NBEAL1: variants seen among roughly 807,000 people sequenced by gnomAD.
NBEAL1 encodes neurobeachin like 1, also known as neurobeachin-like protein 1.
In NBEAL1, 273 loss-of-function variants were observed where a neutral mutation model predicts 351.3. That is an observed-to-expected ratio of 0.78 (90% confidence interval 0.70 to 0.86). The LOEUF (loss-of-function observed/expected upper bound fraction) is 0.86, where lower values mean the gene tolerates loss of function less well. Among genes scored for constraint, NBEAL1 ranks in the 40% least tolerant of loss-of-function variants. The probability of loss-of-function intolerance (pLI) is 0.00; values close to 1 mark genes in which losing one functional copy is unlikely to be tolerated. For synonymous variants in NBEAL1, 1,050 were observed against 1,086.4 expected (o/e 0.97, Z 0.66); for missense variants, 2,961 against 3,201.3 (o/e 0.92, Z 1.81).
intron 25 of NBEAL1, among the ~76,000 whole-genome samples, 200 bp downstream of exon 25, chr2:203,130,676 T>G (rs1189662733): frequency 6.6e-6 from 1 of 152,206 alleles, no homozygotes; most frequent in Non-Finnish European, 1.5e-5. Context: ...GAAAATCCTC[T>G]CAGTGGAATA....
intron 6 of NBEAL1, among the ~76,000 whole-genome samples, chr2:203,063,685 T>C (rs2061536762): frequency 6.6e-6 from 1 of 152,058 alleles, no homozygotes; most frequent in Admixed American, 6.6e-5. Flanking sequence ...CTAGTGCAAG[T>C]TTAGTAGGAT....
chr2:203,087,647 A>G (rs1015691828), intron 10 of NBEAL1, among the ~76,000 whole-genome samples: 1 of 152,156 alleles, frequency 6.6e-6, no homozygotes, highest in Non-Finnish European at 1.5e-5. Context: ...TATCTCCTTG[A>G]TGCTTTTATA....
At position 203,127,661 on chromosome 2, in the gene NBEAL1, G is replaced by T. The variant is rs2062971005; in HGVS notation, c.3249-120G>T. 5.9e-6 allele frequency: 3 copies of T among 506,762 alleles called. No homozygotes were observed. In the South Asian group the frequency reaches 6.5e-5, roughly 11 times the overall value. 31.4% of individuals were successfully genotyped at this position (506,762 alleles called of 1,614,324 possible). On this transcript the variant is annotated intron_variant, in intron 23 of 55. Coordinates refer to ENST00000683969, the MANE Select transcript of NBEAL1 (RefSeq NM_001378026.1). ...CGCTTGAACCCAGAAGGCAGAGGTT[G>T]CAGTGAGCCAAGATTGTACCACTGC...
intron 47 of NBEAL1, among the ~76,000 whole-genome samples, chr2:203,196,999 G>T (rs945142248): frequency 2.5e-4 from 38 of 152,190 alleles, no homozygotes; most frequent in Non-Finnish European, 8.8e-5. Context: ...ATGTATGTCA[G>T]TATAACTTAG....
intron 46 of NBEAL1, among the ~76,000 whole-genome samples, chr2:203,192,433 G>A (rs2065118184): frequency 6.7e-6 from 1 of 149,372 alleles, no homozygotes; most frequent in Non-Finnish European, 1.5e-5. Context: ...TGCCCAGTCT[G>A]GAGTACAATG....
chr2:203,120,426 G>A (rs2062803343), intron 18 of NBEAL1, among the ~76,000 whole-genome samples: 1 of 152,100 alleles, frequency 6.6e-6, no homozygotes, highest in African/African-American at 2.4e-5. Flanking sequence ...TAATAGTGAG[G>A]GTACAAATGA....
At chr2:203,136,283 T>C in intron 28 of NBEAL1, 31 bp downstream of exon 28, 1 of 1,421,508 alleles carries the variant, frequency 7.0e-7, no homozygotes. Flanking sequence ...AAATGTTGTT[T>C]TTATTTTCAT....
At chr2:203,188,300 T>C (rs930909555) in intron 44 of NBEAL1, among the ~76,000 whole-genome samples, 172 bp from the exon 45 acceptor site, 1 of 152,188 alleles carries the variant, frequency 6.6e-6, no homozygotes, top group African/African-American at 2.4e-5. Flanking sequence ...AGTTAATATA[T>C]GTAGTATATA....
At chr2:203,119,920 T>C (rs960822927) in intron 18 of NBEAL1, among the ~76,000 whole-genome samples, 1 of 152,188 alleles carries the variant, frequency 6.6e-6, no homozygotes, top group Non-Finnish European at 1.5e-5. Flanking sequence ...TTTAAAATAG[T>C]CAACAGTTTT....
chr2:203,200,204 C>G (rs1043512945), intron 49 of NBEAL1, among the ~76,000 whole-genome samples: 1 of 152,108 alleles, frequency 6.6e-6, no homozygotes, highest in Non-Finnish European at 1.5e-5. Context: ...ATGGCAAAAC[C>G]CCGTCTCTAC....
rs1346544081 is a variant in NBEAL1 at position 203,188,553 on chromosome 2, G to C, written c.6787G>C (p.Glu2263Gln). Residue 2263 changes from glutamate (E) to glutamine (Q), a missense_variant, in exon 45 of 56, where the codon GAG becomes CAG. By Grantham distance (29) the Glu-to-Gln change is conservative (BLOSUM62 2). Coordinates refer to ENST00000683969, the MANE Select transcript of NBEAL1 (RefSeq NM_001378026.1). The part of the protein sequence containing the change: ...GYKQRGPAAV[E>Q]ALNVFYYCSY... ...TAAACAGAGGGGACCAGCTGCAGTA[G>C]AGGCACTCAACGTTTTCTATTATTG... The C allele has an allele frequency of 6.2e-7, 1 of 1,608,516 alleles. No homozygotes were observed. The highest frequency in any genetic ancestry group is 1.7e-5 in the Admixed American group (1 of 59,170).
intron 2 of NBEAL1, among the ~76,000 whole-genome samples, chr2:203,019,846 A>G (rs911653061): frequency 6.6e-6 from 1 of 152,162 alleles, no homozygotes; most frequent in African/African-American, 2.4e-5. Context: ...CCTGGGTTCA[A>G]TTGTAAGCTT....
chr2:203,164,916 C>T (rs1223700382), intron 36 of NBEAL1, among the ~76,000 whole-genome samples: 1 of 146,192 alleles, frequency 6.8e-6, no homozygotes, highest in East Asian at 2.0e-4. Context: ...GGCTGGAGTA[C>T]AGTGGCGTAA....
chr2:203,176,729 C>CA (rs10655926), intron 42 of NBEAL1, among the ~76,000 whole-genome samples: 67,479 of 132,944 alleles, frequency 0.51, 16,192 homozygotes, highest in East Asian at 0.65. Flanking sequence ...GAAACTGTCT[C>CA]AAAAAAAAAA....
chr2:203,043,214 T>C (rs1384795345), intron 3 of NBEAL1, among the ~76,000 whole-genome samples: 1 of 152,152 alleles, frequency 6.6e-6, no homozygotes, highest in African/African-American at 2.4e-5. Flanking sequence ...AATCATAAAA[T>C]GAAAAAATTC....
At chr2:203,205,282 T>G (rs2065521774) in intron 51 of NBEAL1, among the ~76,000 whole-genome samples, 1 of 152,172 alleles carries the variant, frequency 6.6e-6, no homozygotes, top group African/African-American at 2.4e-5. Context: ...TCTTTTAGTA[T>G]CTCCCTCTTA....
At chr2:203,127,990 A>G (rs1401193271) in intron 24 of NBEAL1, 53 bp downstream of exon 24, 18 of 1,322,742 alleles carry the variant, frequency 1.4e-5, no homozygotes, top group Non-Finnish European at 1.9e-5. Context: ...GAGTTGCTAC[A>G]TCATCTTCTG....
intron 6 of NBEAL1, among the ~76,000 whole-genome samples, chr2:203,064,570 T>C (rs569946071): frequency 6.6e-6 from 1 of 152,318 alleles, no homozygotes; most frequent in South Asian, 2.1e-4. Context: ...CAAGCATGCA[T>C]AATCTGAATC....
intron 46 of NBEAL1, chr2:203,191,376 T>C (rs2065083150): frequency 2.2e-5 from 4 of 179,056 alleles, no homozygotes; most frequent in Non-Finnish European, 4.7e-5. Flanking sequence ...AATCAAATTA[T>C]TAAATATTAC....
Sources: allele counts gnomAD v4.1 joint callset (sites outside exome capture counted in the v4.1 genomes callset), GRCh38; gene constraint gnomAD v4.1.1; transcripts MANE v1.5; gene names NCBI Gene and HGNC (gene_info 2026-07-23, HGNC 2026-07-21).